LRRTM4: variants seen among roughly 807,000 people sequenced by gnomAD.
The protein encoded by LRRTM4 is leucine rich repeat transmembrane neuronal 4.
A neutral mutation model predicts 47.6 loss-of-function variants in LRRTM4; 25 were observed. The observed-to-expected ratio is 0.53, with a 90% CI of 0.38 to 0.73. LRRTM4 has a LOEUF of 0.73. Among genes scored for constraint, LRRTM4 ranks in the 30% least tolerant of loss-of-function variants. The pLI, the probability that LRRTM4 is intolerant of heterozygous loss-of-function variation, is 0.00. For missense variants in LRRTM4, 638 were observed against 713.4 expected, an observed-to-expected ratio of 0.89 and a Z score of 1.20; for synonymous variants, 311 against 269.5, an observed-to-expected ratio of 1.15 and a Z score of -1.51.
intron 3 of LRRTM4, among the ~76,000 whole-genome samples, chr2:76,959,980 A>C (rs932956553): frequency 2.0e-5 from 3 of 151,576 alleles, no homozygotes; most frequent in African/African-American, 7.3e-5. Flanking sequence ...CTCTGTATTA[A>C]AAATGGAAAC....
chr2:76,944,917 G>A (rs1183487730), intron 3 of LRRTM4, among the ~76,000 whole-genome samples: 1 of 152,014 alleles, frequency 6.6e-6, no homozygotes, highest in Admixed American at 6.6e-5. Context: ...TACAGCTCAG[G>A]TATAAGAAGG....
intron 3 of LRRTM4, among the ~76,000 whole-genome samples, chr2:76,884,589 T>C (rs1033083408): frequency 1.3e-5 from 2 of 152,180 alleles, no homozygotes; most frequent in Non-Finnish European, 2.9e-5. Context: ...TAAAGCATTA[T>C]TATGTACATT....
rs1333725520 is a variant in LRRTM4 at position 77,092,914 on chromosome 2, C to T, written c.1552-343998G>A. Among the ~76,000 whole-genome samples the T allele has an allele frequency of 4.1e-5, 6 of 147,174 alleles. No homozygotes were observed. In the East Asian group the frequency reaches 1.2e-3, roughly 29 times the overall value. On this transcript the variant is annotated intron_variant, in intron 3 of 3. Transcript: ENST00000409884. ...GACTAAAGGTCTTTTAAAAACACAC[C>T]TCACCAAGCTCAGCCACCAACTTAA...
intron 3 of LRRTM4, among the ~76,000 whole-genome samples, chr2:76,970,088 G>A (rs1307185804): frequency 6.6e-6 from 1 of 151,892 alleles, no homozygotes; most frequent in Non-Finnish European, 1.5e-5. Context: ...CACTCAACAG[G>A]TGAGTCTCAA....
At chr2:76,775,553 C>G (rs1035564817) in intron 3 of LRRTM4, among the ~76,000 whole-genome samples, 1 of 151,994 alleles carries the variant, frequency 6.6e-6, no homozygotes, top group Non-Finnish European at 1.5e-5. Context: ...AAAAAGAGTT[C>G]TTGTTGTAAA....
At position 76,832,587 on chromosome 2, in the gene LRRTM4, C is replaced by A. The variant is rs553246591; in HGVS notation, c.1552-83671G>T. On this transcript the variant is annotated intron_variant, in intron 3 of 3. Coordinates refer to ENST00000409884, the MANE Select transcript of LRRTM4 (RefSeq NM_001134745.3). ...TCTTTTCTATTAGAGTTTGCATTTT[C>A]TCAACACATATCCAGTTTATTAAAG... Among the ~76,000 whole-genome samples, 12 of 146,118 alleles carry A rather than the reference C, an allele frequency of 8.2e-5. No homozygotes were observed. In the South Asian group the frequency reaches 2.1e-3, roughly 26 times the overall value.
At chr2:76,910,059 T>C (rs1334540523) in intron 3 of LRRTM4, among the ~76,000 whole-genome samples, 3 of 152,072 alleles carry the variant, frequency 2.0e-5, no homozygotes, top group Admixed American at 6.6e-5. Context: ...ATGTTTATTG[T>C]GGCACTATTC....
intron 3 of LRRTM4, among the ~76,000 whole-genome samples, chr2:77,189,806 A>G (rs1283584413): frequency 1.3e-5 from 2 of 152,068 alleles, no homozygotes; most frequent in Non-Finnish European, 2.9e-5. Context: ...CACACATCTG[A>G]CTATACATAT....
intron 3 of LRRTM4, among the ~76,000 whole-genome samples, chr2:77,227,830 G>A (rs754719930): frequency 6.6e-6 from 1 of 151,926 alleles, no homozygotes; most frequent in African/African-American, 2.4e-5. Flanking sequence ...AATAAATATA[G>A]TTTCTAGTCA....
At chr2:77,466,631 C>A (rs778766179) in intron 3 of LRRTM4, among the ~76,000 whole-genome samples, 6 of 151,184 alleles carry the variant, frequency 4.0e-5, no homozygotes, top group Non-Finnish European at 8.8e-5. Flanking sequence ...AATTCCAATT[C>A]TTTGTTTCTG....
intron 3 of LRRTM4, among the ~76,000 whole-genome samples, chr2:77,051,399 A>C (rs1460674046): frequency 6.6e-6 from 1 of 152,150 alleles, no homozygotes; most frequent in East Asian, 1.9e-4. Context: ...TACCATTTGC[A>C]CTATGCACTT....
intron 3 of LRRTM4, among the ~76,000 whole-genome samples, chr2:76,904,217 G>T (rs1051483005): frequency 2.6e-5 from 4 of 152,178 alleles, no homozygotes; most frequent in African/African-American, 4.8e-5. Flanking sequence ...GAACAAAGTA[G>T]CATGTGACAA....
intron 3 of LRRTM4, among the ~76,000 whole-genome samples, chr2:76,974,159 T>TATATATACACATAC (rs1558771430): frequency 3.9e-4 from 52 of 132,764 alleles, no homozygotes; most frequent in Non-Finnish European, 9.4e-5. Context: ...TACATACATA[T>TATATATACACATAC]ATATATATAC....
intron 3 of LRRTM4, among the ~76,000 whole-genome samples, chr2:77,436,811 G>A (rs1288430649): frequency 6.6e-6 from 1 of 151,540 alleles, no homozygotes; most frequent in African/African-American, 2.4e-5. Context: ...ATGTTTTATT[G>A]GTATAGACAA....
At chr2:77,469,392 A>T (rs1022481682) in intron 3 of LRRTM4, among the ~76,000 whole-genome samples, 3 of 151,814 alleles carry the variant, frequency 2.0e-5, no homozygotes, top group African/African-American at 7.3e-5. Flanking sequence ...CAGGAAAAAA[A>T]TCCTACAAAG....
At chr2:77,288,869 T>C (rs10180141) in intron 3 of LRRTM4, among the ~76,000 whole-genome samples, 17,953 of 152,038 alleles carry the variant, frequency 0.12, 2,143 homozygotes, top group African/African-American at 0.3. Flanking sequence ...CCAATTGGGA[T>C]GGAGCCACAG....
chr2:77,067,317 A>G (rs1679988514), intron 3 of LRRTM4, among the ~76,000 whole-genome samples: 1 of 152,170 alleles, frequency 6.6e-6, no homozygotes, highest in Non-Finnish European at 1.5e-5. Context: ...CAGGTGAGAT[A>G]AAAATGGTGG....
intron 3 of LRRTM4, among the ~76,000 whole-genome samples, chr2:77,055,834 T>C (rs1231248225): frequency 6.6e-6 from 1 of 151,762 alleles, no homozygotes; most frequent in Non-Finnish European, 1.5e-5. Flanking sequence ...ATGTGGCACA[T>C]ATACACCATG....
intron 3 of LRRTM4, among the ~76,000 whole-genome samples, chr2:77,183,447 A>T (rs549818945): frequency 5.6e-4 from 85 of 152,244 alleles, no homozygotes; most frequent in Non-Finnish European, 9.0e-4. Flanking sequence ...GCTGGAGAGG[A>T]TGTGGAGAAA....
Sources: allele counts gnomAD v4.1 joint callset (sites outside exome capture counted in the v4.1 genomes callset), GRCh38; gene constraint gnomAD v4.1.1; transcripts MANE v1.5; gene names NCBI Gene and HGNC (gene_info 2026-07-23, HGNC 2026-07-21).